ARHGAP15: variants seen among roughly 807,000 people sequenced by gnomAD.
The protein encoded by ARHGAP15 is rho GTPase-activating protein 15.
A neutral mutation model predicts 63.7 loss-of-function variants in ARHGAP15; 51 were observed. That is an observed-to-expected ratio of 0.80 (90% CI 0.64 to 1.01). The LOEUF is 1.01. Among genes scored for constraint, ARHGAP15 ranks in the 50% least tolerant of loss-of-function variants. The pLI, the probability that ARHGAP15 is intolerant of heterozygous loss-of-function variation, is 0.00. For synonymous variants in ARHGAP15, 191 were observed against 193.8 expected (o/e 0.99, Z 0.12); for missense variants, 560 against 564.6 (o/e 0.99, Z 0.08).
At chr2:143,364,835 C>G (rs1415569800) in intron 6 of ARHGAP15, among the ~76,000 whole-genome samples, 1 of 152,104 alleles carries the variant, frequency 6.6e-6, no homozygotes, top group African/African-American at 2.4e-5. Context: ...CCAGAAAACC[C>G]TGTCTCTTAA....
intron 4 of ARHGAP15, chr2:143,228,212 G>A (rs923960720): frequency 6.4e-6 from 1 of 155,270 alleles, no homozygotes; most frequent in African/African-American, 2.4e-5. Context: ...AACAATGAAG[G>A]AAGGAATAGG....
intron 11 of ARHGAP15, among the ~76,000 whole-genome samples, chr2:143,602,819 A>G (rs1055409730): frequency 3.3e-5 from 5 of 152,186 alleles, no homozygotes; most frequent in African/African-American, 4.8e-5. Context: ...TATTCCTCCA[A>G]TACAAACATT....
At chr2:143,583,955 A>G (rs1382051888) in intron 11 of ARHGAP15, among the ~76,000 whole-genome samples, 6 of 152,224 alleles carry the variant, frequency 3.9e-5, no homozygotes, top group African/African-American at 1.4e-4. Flanking sequence ...AAACTTTTCT[A>G]GGTAAATTTG....
chr2:143,381,846 A>ATT (rs150118770), intron 6 of ARHGAP15, among the ~76,000 whole-genome samples: 7,178 of 152,226 alleles, frequency 0.047, 542 homozygotes, highest in African/African-American at 0.16. Flanking sequence ...GGTATGTTAG[A>ATT]TTTTTTAAAA....
chr2:143,287,673 G>T (rs754763578), intron 6 of ARHGAP15, among the ~76,000 whole-genome samples: 1 of 152,012 alleles, frequency 6.6e-6, no homozygotes, highest in Non-Finnish European at 1.5e-5. Flanking sequence ...GGGCATAGTG[G>T]TGCACACCTG....
intron 13 of ARHGAP15, among the ~76,000 whole-genome samples, chr2:143,760,057 A>G (rs917380166): frequency 7.6e-4 from 115 of 152,266 alleles, no homozygotes; most frequent in African/African-American, 2.6e-3. Context: ...CTAGATTTTA[A>G]GCTTCATCTG....
chr2:143,669,616 C>T (rs1006939046), intron 12 of ARHGAP15, among the ~76,000 whole-genome samples: 4 of 152,168 alleles, frequency 2.6e-5, no homozygotes, highest in African/African-American at 9.7e-5. Context: ...AGCTGTGTCC[C>T]CACAATGCTG....
intron 12 of ARHGAP15, among the ~76,000 whole-genome samples, chr2:143,698,991 C>A (rs1400692497): frequency 6.6e-6 from 1 of 152,136 alleles, no homozygotes; most frequent in Non-Finnish European, 1.5e-5. Flanking sequence ...AAAATGCTGT[C>A]TTTCAGATGC....
intron 12 of ARHGAP15, 97 bp downstream of exon 12, chr2:143,624,364 A>G: frequency 7.4e-7 from 1 of 1,353,318 alleles, no homozygotes; most frequent in East Asian, 2.5e-5. Context: ...AATCATGGGG[A>G]ACAGATAGTA....
intron 8 of ARHGAP15, among the ~76,000 whole-genome samples, chr2:143,442,778 G>A (rs1689947732): frequency 6.6e-6 from 1 of 152,032 alleles, no homozygotes; most frequent in Non-Finnish European, 1.5e-5. Context: ...TGTTTGAAAA[G>A]TTCTCCAGTT....
intron 6 of ARHGAP15, among the ~76,000 whole-genome samples, chr2:143,402,527 T>C (rs1403918997): frequency 7.2e-6 from 1 of 139,636 alleles, no homozygotes; most frequent in Non-Finnish European, 1.5e-5. Context: ...TTCCAAAATA[T>C]GTGGTTCCCC....
intron 12 of ARHGAP15, among the ~76,000 whole-genome samples, chr2:143,638,674 GAA>G (rs547479767): frequency 1.1e-5 from 1 of 93,966 alleles, no homozygotes; most frequent in Non-Finnish European, 2.1e-5. Flanking sequence ...ATAAATAAAA[GAA>G]AAAAAAATAT....
rs76573967 is a variant in ARHGAP15, at chr2:143,219,387, C to T, written c.296+2942C>T. ...TTTGCACAGTGACACAATCACCTAA[C>T]GACACACTTCTCAGAATATATCCTC... On this transcript the variant is annotated intron_variant, in intron 4 of 13. Transcript: ENST00000295095. Among the ~76,000 whole-genome samples, 1,457 of 152,250 alleles carry T rather than the reference C, an allele frequency of 9.6e-3. 32 individuals are homozygous for T. The highest frequency in any genetic ancestry group is 0.033 in the African/African-American group (1,381 of 41,546).
intron 6 of ARHGAP15, among the ~76,000 whole-genome samples, chr2:143,292,863 G>C (rs575978179): frequency 6.6e-6 from 1 of 151,926 alleles, no homozygotes; most frequent in Non-Finnish European, 1.5e-5. Context: ...AGAAGCTATT[G>C]TTGATTGTTT....
chr2:143,268,313 C>T (rs1681100543), intron 6 of ARHGAP15, among the ~76,000 whole-genome samples: 2 of 151,996 alleles, frequency 1.3e-5, no homozygotes, highest in Non-Finnish European at 2.9e-5. Flanking sequence ...AGCTGCCACT[C>T]CTGGGAAATA....
At chr2:143,660,788 A>G (rs1471309651) in intron 12 of ARHGAP15, among the ~76,000 whole-genome samples, 2 of 152,260 alleles carry the variant, frequency 1.3e-5, no homozygotes, top group Non-Finnish European at 2.9e-5. Context: ...GAAACAACAA[A>G]GAGAGTTTGT....
chr2:143,362,013 G>A (rs1300398209), intron 6 of ARHGAP15, among the ~76,000 whole-genome samples: 1 of 152,056 alleles, frequency 6.6e-6, no homozygotes, highest in Non-Finnish European at 1.5e-5. Context: ...ATCCATCCTG[G>A]AAGCCTACCT....
chr2:143,606,416 A>G (rs1405284937), intron 11 of ARHGAP15, among the ~76,000 whole-genome samples: 5 of 152,200 alleles, frequency 3.3e-5, no homozygotes, highest in Non-Finnish European at 7.3e-5. Context: ...AATGCACTAT[A>G]TCAATATTAT....
intron 2 of ARHGAP15, among the ~76,000 whole-genome samples, chr2:143,195,589 G>A (rs10496943): frequency 0.17 from 25,555 of 151,984 alleles, 2,330 homozygotes; most frequent in Middle Eastern, 0.24. Flanking sequence ...TGTAAGAATT[G>A]GGATACACCA....
Sources: allele counts gnomAD v4.1 joint callset (sites outside exome capture counted in the v4.1 genomes callset), GRCh38; gene constraint gnomAD v4.1.1; transcripts MANE v1.5; gene names NCBI Gene and HGNC (gene_info 2026-07-23, HGNC 2026-07-21).